Variants in MYO15A observed in about 807,000 individuals in gnomAD.
The protein encoded by MYO15A is myosin XVA.
A neutral mutation model predicts 394.6 loss-of-function variants in MYO15A; 308 were observed. That is an observed-to-expected ratio of 0.78 (90% CI 0.71 to 0.86). The LOEUF (loss-of-function observed/expected upper bound fraction) is 0.86, where lower values mean the gene tolerates loss of function less well. Among genes scored for constraint, MYO15A ranks in the 40% least tolerant of loss-of-function variants. The probability of loss-of-function intolerance (pLI) is 0.00; values close to 1 mark genes in which losing one functional copy is unlikely to be tolerated. For missense variants in MYO15A, 4,606 were observed against 4,799.1 expected, an observed-to-expected ratio of 0.96 and a Z score of 1.19; for synonymous variants, 1,957 against 2,003.8, an observed-to-expected ratio of 0.98 and a Z score of 0.62.
In MYO15A at chr17:18,139,604, G is replaced by A. The variant is rs373656823; in HGVS notation, c.5204G>A (p.Arg1735Gln). ...QDVLDLFVRS[R>Q]TRVVAHLFSS... ...GTGCTGGACCTGTTCGTACGGAGCC[G>A]GACACGGGTAAGCCTCGCCTCCCAC... The change falls in exon 19 of 66, where the codon CGG (arginine) becomes CAG (glutamine). Residue 1735 changes from arginine (R) to glutamine (Q), a missense_variant. Physicochemically the swap from Arg to Gln is conservative, Grantham distance 43. Coordinates refer to ENST00000647165, the MANE Select transcript of MYO15A (RefSeq NM_016239.4). 34 of 1,613,920 alleles carry A rather than the reference G, an allele frequency of 2.1e-5. No homozygotes were observed. The highest frequency in any genetic ancestry group is 1.2e-4 in the African/African-American group (9 of 75,042).
At chr17:18,155,516 A>G in intron 47 of MYO15A, 84 bp downstream of exon 47, 1 of 1,276,568 alleles carries the variant, frequency 7.8e-7, no homozygotes, top group Non-Finnish European at 1.1e-6. Context: ...ACAGCCACTT[A>G]CCAAGTACCC....
At position 18,118,985 on chromosome 17, in the gene MYO15A, G is replaced by C; in HGVS notation, c.185G>C (p.Gly62Ala). The change falls in exon 2 of 66, where the codon GGC (glycine) becomes GCC (alanine). Residue 62 changes from glycine to alanine, a missense_variant. Transcript: ENST00000647165. ...QFRSASAFFW[G>A]LHTGPQKTKR... ...CGCAGCGCCTCGGCCTTCTTCTGGG[G>C]CCTCCACACCGGCCCCCAGAAGACC... 1 of 1,612,958 alleles carries C rather than the reference G, an allele frequency of 6.2e-7. No individual in the cohort carries two copies. Among genetic ancestry groups the C allele is most frequent in the Middle Eastern group, 1.7e-4 (1 of 6,054 alleles).
At chr17:18,169,168 T>C (rs1280932888) in intron 62 of MYO15A, among the ~76,000 whole-genome samples, 1 of 139,714 alleles carries the variant, frequency 7.2e-6, no homozygotes, top group Non-Finnish European at 1.6e-5. Flanking sequence ...AAAAATAGGC[T>C]GGGCACAGTG....
rs1164760028 is a variant in MYO15A at position 18,173,905 on chromosome 17, A to G, written c.10475A>G (p.Gln3492Arg). Residue 3492 changes from glutamine (Q) to arginine (R), a missense_variant, in exon 65 of 66, where the codon CAG becomes CGG. By Grantham distance (43) the Gln-to-Arg change is conservative. Transcript: ENST00000647165. ...LGDVAAQRTLQLQLEQGLELC... is the reference protein window; with the variant it reads ...LGDVAAQRTLRLQLEQGLELC... Reference sequence around the variant, plus strand: ...GACGTGGCGGCCCAGCGCACCTTGCAGCTGCAGCTGGAGCAGGTGGGCCCA... The same window carrying G: ...GACGTGGCGGCCCAGCGCACCTTGCGGCTGCAGCTGGAGCAGGTGGGCCCA... 6.2e-7 allele frequency: 1 copy of G among 1,613,406 alleles called. No homozygotes were observed. The highest frequency in any genetic ancestry group is 1.1e-5 in the South Asian group (1 of 91,062).
intron 1 of MYO15A, among the ~76,000 whole-genome samples, chr17:18,115,461 A>T (rs749075628): frequency 6.6e-6 from 1 of 152,160 alleles, no homozygotes; most frequent in Non-Finnish European, 1.5e-5. Context: ...TCTACTAAAA[A>T]TACAAAATTA....
intron 13 of MYO15A, 99 bp downstream of exon 13, chr17:18,135,923 C>G: frequency 9.3e-7 from 1 of 1,073,650 alleles, no homozygotes; most frequent in Non-Finnish European, 1.4e-6. Flanking sequence ...TCCCTCTCTC[C>G]TGCTCTCTCT....
In MYO15A at chr17:18,119,194, A is replaced by C. The variant is rs762617660; in HGVS notation, c.394A>C (p.Thr132Pro). The C allele has an allele frequency of 1.2e-5, 19 of 1,612,380 alleles. No individual in the cohort carries two copies. In the East Asian group the frequency reaches 4.2e-4, roughly 36 times the overall value. Residue 132 changes from threonine to proline, a missense_variant, in exon 2 of 66, where the codon ACG becomes CCG. Transcript: ENST00000647165. ...CGCCCGGTCACTCAGCAAAGCGTCC[A>C]CGGCCATCAACTGGCTCACAAAAAA... is the stretch of plus-strand genomic sequence containing the variant. ...PRARSLSKAS[T>P]AINWLTKKFL...
rs1471219331 is a variant in MYO15A, at chr17:18,120,488, GC to G, written c.1692del (p.Val565CysfsTer64). 2.5e-6 allele frequency: 4 copies of G among 1,572,896 alleles called. No individual in the cohort carries two copies. In the African/African-American group the frequency reaches 4.0e-5, roughly 16 times the overall value. ...RGLGFGPEFG[R>X]PVPRPATSLA... ...CTGGGCTTCGGCCCTGAGTTTGGCC[GC>G]CCCGTGCCTCGCCCTGCCACCTCGC... On this transcript the variant is annotated frameshift_variant, in exon 2 of 66. Coordinates refer to ENST00000647165, the MANE Select transcript of MYO15A (RefSeq NM_016239.4). LOFTEE classifies it high-confidence loss of function.
At chr17:18,166,120 G>A (rs1567663301) in intron 60 of MYO15A, among the ~76,000 whole-genome samples, 1 of 152,234 alleles carries the variant, frequency 6.6e-6, no homozygotes, top group African/African-American at 2.4e-5. Flanking sequence ...ATTACTTAAA[G>A]CTTTGAATTG....
At position 18,121,572 on chromosome 17, in the gene MYO15A, A is replaced by C. The variant is rs1221796668; in HGVS notation, c.2772A>C (p.Pro924=). The C allele has an allele frequency of 2.5e-6, 4 of 1,592,042 alleles. No individual in the cohort carries two copies. The highest frequency in any genetic ancestry group is 3.4e-6 in the Non-Finnish European group (4 of 1,169,632). ...CAGAGACGCCCTGGACTGTGCCCCC[A>C]CTGGCCCCCAGCTGGGACGTGGACA... ...EDSETPWTVP[P]LAPSWDVDMP... Residue 924 remains proline (P), a synonymous_variant, in exon 2 of 66, where the codon CCA becomes CCC. Coordinates refer to ENST00000647165, the MANE Select transcript of MYO15A (RefSeq NM_016239.4). The surrounding 1 kb of genome is among the most constrained non-coding windows in gnomAD (Gnocchi z 5.3).
Position 18,141,072 on chromosome 17 carries a change from G to T in MYO15A, c.5460G>T (p.Gly1820=), listed in dbSNP as rs1402384951. 1.9e-6 allele frequency: 3 copies of T among 1,613,928 alleles called. No homozygotes were observed. The highest frequency in any genetic ancestry group is 8.5e-7 in the Non-Finnish European group (1 of 1,180,036). Residue 1820 remains glycine, a synonymous_variant, in exon 22 of 66, where the codon GGG becomes GGT. Transcript: ENST00000647165. ...DVVMAQLRYS[G]VLETVRIRKE... is the part of the protein sequence containing the mutation. The stretch of plus-strand genomic sequence containing the variant: ...TAATGGCACAATTACGCTATTCAGG[G>T]GTGCTGGAGACCGTGAGGATCCGCA...
In MYO15A at chr17:18,119,457, C is replaced by T; in HGVS notation, c.657C>T (p.Ser219=). 5 of 1,612,708 alleles carry T rather than the reference C, an allele frequency of 3.1e-6. No individual in the cohort carries two copies. Among genetic ancestry groups the T allele is most frequent in the Non-Finnish European group, 4.2e-6 (5 of 1,179,994 alleles). The change falls in exon 2 of 66, where the codon TCC becomes TCT. Residue 219 remains serine (S), a synonymous_variant. Coordinates refer to ENST00000647165, the MANE Select transcript of MYO15A (RefSeq NM_016239.4). ...EDEAPFHHSG[S]RKSLYGLEGF... Reference sequence around the variant, plus strand: ...AGGCCCCATTCCATCACTCGGGCTCCCGCAAGTCGCTGTACGGGCTTGAGG... The same window carrying T: ...AGGCCCCATTCCATCACTCGGGCTCTCGCAAGTCGCTGTACGGGCTTGAGG...
In MYO15A at chr17:18,162,670, G is replaced by A; in HGVS notation, c.9603G>A (p.Arg3201=). The A allele has an allele frequency of 1.2e-6, 2 of 1,613,992 alleles. No homozygotes were observed. Among genetic ancestry groups the A allele is most frequent in the Non-Finnish European group, 1.7e-6 (2 of 1,179,916 alleles). The change falls in exon 58 of 66, where the codon CGG becomes CGA. Residue 3201 remains arginine (R), a synonymous_variant. Transcript: ENST00000647165. ...AGCTCCCCAGCAGCATAGAGCTTCG[G>A]GCCATGTTGGTGAGCATAGGGTGGG... ...RLELPSSIEL[R]AMLAGRSSKR...
At chr17:18,108,869 AC>A (rs1436518830) in intron 1 of MYO15A, 45 bp downstream of exon 1, 1 of 152,576 alleles carries the variant, frequency 6.6e-6, no homozygotes, top group African/African-American at 2.4e-5. Context: ...GTCACTGGCC[AC>A]CCTCGCATCC....
At position 18,143,815 on chromosome 17, in the gene MYO15A, G is replaced by C. The variant is rs774770471; in HGVS notation, c.6046+19G>C. On this transcript the variant is annotated intron_variant, in intron 27 of 65. Transcript: ENST00000647165. Reference sequence around the variant, plus strand: ...GTGGCAGGTGGGTCAGCACCAGGCGGGGGGAGGGCCCAGGCAGATCAGAGC... The same window carrying C: ...GTGGCAGGTGGGTCAGCACCAGGCGCGGGGAGGGCCCAGGCAGATCAGAGC... 1.0e-4 allele frequency: 161 copies of C among 1,573,284 alleles called. 1 individual carries two copies. Among genetic ancestry groups the C allele is most frequent in the Middle Eastern group, 8.3e-4 (5 of 6,016 alleles).
intron 12 of MYO15A, among the ~76,000 whole-genome samples, chr17:18,135,014 G>C (rs1160348659): frequency 6.6e-6 from 1 of 151,960 alleles, no homozygotes; most frequent in East Asian, 1.9e-4. Flanking sequence ...TGAGTAGCTG[G>C]GACTACAGGT....
At chr17:18,149,462 A>G (rs775229348) in intron 34 of MYO15A, 24 bp from the exon 35 acceptor site, 3 of 1,614,112 alleles carry the variant, frequency 1.9e-6, no homozygotes, top group Middle Eastern at 1.6e-4. Context: ...AAAGAACTTG[A>G]CATTTTTGTG....
chr17:18,146,188 G>T (rs188319834), intron 30 of MYO15A, 81 bp downstream of exon 30: 2 of 1,417,214 alleles, frequency 1.4e-6, no homozygotes. Context: ...TTAAAGGTCA[G>T]GCCAGGAGTC....
In MYO15A at chr17:18,117,730, T is replaced by C. The variant is rs1487127370; in HGVS notation, c.-219-852T>C. Among the ~76,000 whole-genome samples, 3 of 152,140 alleles carry C rather than the reference T, an allele frequency of 2.0e-5. No homozygotes were observed. Among genetic ancestry groups the C allele is most frequent in the Non-Finnish European group, 4.4e-5 (3 of 68,028 alleles). On this transcript the variant is annotated intron_variant, in intron 1 of 65. Coordinates refer to ENST00000647165, the MANE Select transcript of MYO15A (RefSeq NM_016239.4). The surrounding 1 kb of genome is among the most constrained non-coding windows in gnomAD (Gnocchi z 4.1). Reference sequence around the variant, plus strand: ...ACATGCAGCCTTAGGTCAGGCCATATGAAGCAATCAGCTATGCCCAGAGAA... The same window carrying C: ...ACATGCAGCCTTAGGTCAGGCCATACGAAGCAATCAGCTATGCCCAGAGAA...
Sources: gnomAD v4.1 joint callset for allele counts (sites outside exome capture counted in the v4.1 genomes callset) on GRCh38, gnomAD v4.1.1 for gene constraint, Gnocchi (gnomAD v3.1) non-coding constraint, MANE v1.5 for transcripts, NCBI Gene and HGNC (gene_info 2026-07-23, HGNC 2026-07-21) for gene names.